Variants in KIFAP3 observed in about 807,000 individuals in gnomAD.
KIFAP3 encodes kinesin associated protein 3.
A neutral mutation model predicts 106.5 loss-of-function variants in KIFAP3; 68 were observed. The observed-to-expected ratio is 0.64, with a 90% CI of 0.53 to 0.78. KIFAP3 has a LOEUF of 0.78. KIFAP3 is among the 30% of genes least tolerant of loss of function. KIFAP3 has a pLI of 0.00. For synonymous variants in KIFAP3, 320 were observed against 311.5 expected (o/e 1.03, Z -0.29); for missense variants, 780 against 941.8 (o/e 0.83, Z 2.25).
chr1:170,065,730 T>C (rs565234737), intron 1 of KIFAP3, among the ~76,000 whole-genome samples: 5 of 151,866 alleles, frequency 3.3e-5, no homozygotes, highest in Non-Finnish European at 7.4e-5. Context: ...CTATTTAAAA[T>C]TAAATTTAAA....
chr1:170,022,191 G>A (rs910110521), intron 9 of KIFAP3, among the ~76,000 whole-genome samples: 1 of 151,378 alleles, frequency 6.6e-6, no homozygotes, highest in Non-Finnish European at 1.5e-5. Flanking sequence ...TCAGATGATC[G>A]ATCTGCCTTG....
At chr1:169,955,839 A>C (rs1664987235) in intron 18 of KIFAP3, among the ~76,000 whole-genome samples, 1 of 152,144 alleles carries the variant, frequency 6.6e-6, no homozygotes, top group African/African-American at 2.4e-5. Context: ...TAGAAGTTAA[A>C]GTTTCTATAA....
rs1031625102 is a variant in KIFAP3 at position 170,061,012 on chromosome 1, C to A, written c.33-5576G>T. Among the ~76,000 whole-genome samples the A allele has an allele frequency of 2.6e-5, 4 of 152,312 alleles. No homozygotes were observed. The East Asian group carries it at 7.7e-4, about 29-fold the overall frequency. On this transcript the variant is annotated intron_variant, in intron 1 of 19. Coordinates refer to ENST00000361580, the MANE Select transcript of KIFAP3 (RefSeq NM_014970.4). ...CTTACACCTTATACAAAAATTAATT[C>A]AAGGTGGATTAAAGACTTAAATGTT...
chr1:170,035,501 A>C lies in KIFAP3; in HGVS notation c.570T>G (p.Ser190Arg). ...ARVLREDWKQ[S>R]VELATNIIYI... ...AAATTATGTTTGTAGCTAACTCGACACTTTGCTTCCAGTCTTCTCTCAGGA... is the reference window on the plus strand; with the variant it reads ...AAATTATGTTTGTAGCTAACTCGACCCTTTGCTTCCAGTCTTCTCTCAGGA... The change falls in exon 6 of 20, where the codon AGT becomes AGG. Residue 190 changes from serine to arginine, a missense_variant. This residue lies in a region of KIFAP3 where 588 missense variants were observed against 678.9 expected (regional missense o/e 0.87). Coordinates refer to ENST00000361580, the MANE Select transcript of KIFAP3 (RefSeq NM_014970.4). 1 of 1,610,284 alleles carries C rather than the reference A, an allele frequency of 6.2e-7. No homozygotes were observed. Among genetic ancestry groups the C allele is most frequent in the South Asian group, 1.1e-5 (1 of 90,544 alleles).
chr1:169,972,472 T>C (rs552673895), intron 17 of KIFAP3, 41 bp downstream of exon 17: 1 of 955,998 alleles, frequency 1.0e-6, no homozygotes, highest in East Asian at 2.5e-5. Flanking sequence ...TCCCCCAAGA[T>C]GAAGTCAATT....
chr1:170,034,309 C>T (rs1312432469), intron 7 of KIFAP3, 63 bp downstream of exon 7: 2 of 1,484,756 alleles, frequency 1.3e-6, no homozygotes, highest in Non-Finnish European at 1.8e-6. Flanking sequence ...CAAAACCATC[C>T]CACCCATCCA....
chr1:170,041,761 TC>T, intron 3 of KIFAP3: 2 of 1,534,000 alleles, frequency 1.3e-6, no homozygotes, highest in Non-Finnish European at 1.7e-6. Context: ...GCAATCGACA[TC>T]CCTTTTGCCT....
At chr1:169,989,129 G>A (rs188675943) in intron 11 of KIFAP3, among the ~76,000 whole-genome samples, 2 of 151,966 alleles carry the variant, frequency 1.3e-5, no homozygotes, top group East Asian at 1.9e-4. Context: ...AGGTATGGGA[G>A]CAATTTTCTG....
rs571904057 is a variant in KIFAP3, at chr1:170,003,279, G to A, written c.1184-11024C>T. 9.2e-5 allele frequency among the ~76,000 whole-genome samples: 14 copies of A among 152,246 alleles called. No individual in the cohort carries two copies. The South Asian group carries it at 1.2e-3, about 14-fold the overall frequency. On this transcript the variant is annotated intron_variant, in intron 10 of 19. Transcript: ENST00000361580. ...ACAAATAGACCAAGTATTGCTCTGT[G>A]GACCATACTTTGAGTATCACTGTAT...
intron 15 of KIFAP3, among the ~76,000 whole-genome samples, chr1:169,978,503 A>G (rs1441172473): frequency 1.3e-5 from 2 of 152,054 alleles, no homozygotes; most frequent in Non-Finnish European, 2.9e-5. Context: ...TTTGGTGGAA[A>G]TTGAACTATC....
upstream of KIFAP3, among the ~76,000 whole-genome samples, chr1:170,075,625 C>G (rs1385768879): frequency 6.6e-6 from 1 of 152,220 alleles, no homozygotes; most frequent in Non-Finnish European, 1.5e-5. Context: ...TATAGAAATA[C>G]AGTCCTTACC....
In KIFAP3 at chr1:170,016,380, G is replaced by C. The variant is rs938368065; in HGVS notation, c.1183+82C>G. 3.8e-6 allele frequency: 4 copies of C among 1,040,606 alleles called. No individual in the cohort carries two copies. In the Admixed American group the frequency reaches 7.3e-5, roughly 19 times the overall value. The allele number at this position is 1,040,606 out of a possible 1,614,324, so 64.5% of individuals were successfully genotyped here. On this transcript the variant is annotated intron_variant, in intron 10 of 19. Coordinates refer to ENST00000361580, the MANE Select transcript of KIFAP3 (RefSeq NM_014970.4). ...TATAGACAGAATGCTTTTTGTTCAG[G>C]AGGCTTTTCAACACAGAGCTCAATT...
intron 3 of KIFAP3, chr1:170,041,953 T>A: frequency 1.0e-6 from 1 of 991,734 alleles, no homozygotes; most frequent in East Asian, 2.9e-5. Context: ...AACCTGGTTT[T>A]AGAGTTCTGA....
chr1:169,963,780 C>G (rs1665464267), intron 17 of KIFAP3, among the ~76,000 whole-genome samples: 1 of 152,160 alleles, frequency 6.6e-6, no homozygotes, highest in Non-Finnish European at 1.5e-5. Context: ...AGGCGTGAGC[C>G]ACCGTGTCTG....
intron 19 of KIFAP3, chr1:169,923,210 G>GTTGAAATTT (rs1202863329): frequency 2.7e-6 from 1 of 372,894 alleles, no homozygotes; most frequent in East Asian, 1.6e-4. Flanking sequence ...CTCAAAGTTG[G>GTTGAAATTT]TTGAAATTTT....
intron 18 of KIFAP3, among the ~76,000 whole-genome samples, chr1:169,957,444 G>C (rs951655481): frequency 6.6e-6 from 1 of 152,068 alleles, no homozygotes; most frequent in Non-Finnish European, 1.5e-5. Context: ...TACTAGAACA[G>C]TGATGAAACC....
chr1:169,926,613 TTATATAA>T (rs2101768322), intron 19 of KIFAP3, among the ~76,000 whole-genome samples: 1 of 152,028 alleles, frequency 6.6e-6, no homozygotes, highest in East Asian at 1.9e-4. Context: ...TTATATATAG[TTATATAA>T]TATTGAGTTA....
At chr1:170,082,766 A>C (rs1226347709) in intron 1 of KIFAP3, among the ~76,000 whole-genome samples, 7 of 152,088 alleles carry the variant, frequency 4.6e-5, no homozygotes, top group Non-Finnish European at 7.4e-5. Context: ...TGAGGTCAGG[A>C]GTTCGAGACT....
chr1:169,924,976 A>T (rs971573163), intron 19 of KIFAP3, among the ~76,000 whole-genome samples: 1 of 152,198 alleles, frequency 6.6e-6, no homozygotes, highest in African/African-American at 2.4e-5. Context: ...GTAAGCTGTG[A>T]CATGCCACAT....
Sources: gnomAD v4.1 joint callset for allele counts (sites outside exome capture counted in the v4.1 genomes callset) on GRCh38, gnomAD v4.1.1 for gene constraint, gnomAD v4.1.1 regional missense constraint, MANE v1.5 for transcripts, NCBI Gene and HGNC (gene_info 2026-07-23, HGNC 2026-07-21) for gene names.